FAM161B: variants seen among roughly 807,000 people sequenced by gnomAD.
FAM161B encodes the protein FAM161 centrosomal protein B.
Under a neutral mutation model 61.5 loss-of-function variants are expected in FAM161B, and 46 were observed. The ratio of observed to expected loss-of-function variants is 0.75; its 90% confidence interval spans 0.59 to 0.96. The LOEUF (loss-of-function observed/expected upper bound fraction) is 0.96. Ranked by LOEUF, FAM161B falls within the 40% of genes least tolerant of loss-of-function variation. The probability of loss-of-function intolerance (pLI) is 0.00; values close to 1 mark genes in which losing one functional copy is unlikely to be tolerated. For missense variants in FAM161B, 774 were observed against 800.7 expected (o/e 0.97, Z 0.40); for synonymous variants, 284 against 302.7 (o/e 0.94, Z 0.64).
At chr14:73,931,196 T>C (rs552814769), downstream of FAM161B, among the ~76,000 whole-genome samples, 2 of 152,302 alleles carry the variant, frequency 1.3e-5, no homozygotes, top group East Asian at 1.9e-4. Context: ...CTGTTTTCCC[T>C]GTAAGTTAGA....
At chr14:73,949,723 G>T (rs911697915) in intron 1 of FAM161B, among the ~76,000 whole-genome samples, 2 of 152,004 alleles carry the variant, frequency 1.3e-5, no homozygotes, top group African/African-American at 4.8e-5. Context: ...AAAATGAGAC[G>T]ACAATTGTAC....
chr14:73,935,545 A>C (rs1435559967), intron 8 of FAM161B, among the ~76,000 whole-genome samples: 2 of 92,942 alleles, frequency 2.2e-5, no homozygotes, highest in African/African-American at 6.2e-5. Flanking sequence ...AAAATACAAA[A>C]AATAAAAAAA....
At chr14:73,942,736 T>C (rs780890898) in intron 3 of FAM161B, 21 bp from the exon 4 acceptor site, 74 of 1,602,428 alleles carry the variant, frequency 4.6e-5, no homozygotes, top group Non-Finnish European at 6.2e-5. Flanking sequence ...AGGATGGTGA[T>C]GGGTAAGAAA....
At chr14:73,945,844 G>A (rs539972255) in intron 2 of FAM161B, among the ~76,000 whole-genome samples, 30 of 151,548 alleles carry the variant, frequency 2.0e-4, no homozygotes, top group African/African-American at 7.0e-4. Flanking sequence ...TGGGCTCAAG[G>A]GATTCTCATG....
chr14:73,949,193 C>T (rs1274294710), intron 1 of FAM161B, among the ~76,000 whole-genome samples: 1 of 152,206 alleles, frequency 6.6e-6, no homozygotes, highest in Non-Finnish European at 1.5e-5. Flanking sequence ...ACCTCCACCT[C>T]CCAGGTTCAA....
intron 3 of FAM161B, 24 bp from the exon 4 acceptor site, chr14:73,942,739 G>T: frequency 6.3e-7 from 1 of 1,597,250 alleles, no homozygotes; most frequent in Non-Finnish European, 8.6e-7. Flanking sequence ...ATGGTGATGG[G>T]TAAGAAAGGA....
chr14:73,931,600 G>A (rs532015244), downstream of FAM161B: 3 of 1,517,938 alleles, frequency 2.0e-6, no homozygotes, highest in South Asian at 1.1e-5. Flanking sequence ...CGTATACTGG[G>A]AACAGGATGC....
intron 1 of FAM161B, among the ~76,000 whole-genome samples, chr14:73,947,430 A>G (rs2056077048): frequency 2.0e-5 from 3 of 151,700 alleles, no homozygotes. Context: ...CAAGACAGAC[A>G]GTATGGTCTG....
the FAM161B span, chr14:73,924,621 G>C: frequency 2.3e-6 from 1 of 426,554 alleles, no homozygotes; most frequent in Non-Finnish European, 4.6e-6. Flanking sequence ...CTGTAGCTTG[G>C]ATCCTTTCAG....
At chr14:73,942,014 G>T (rs1365999189) in intron 4 of FAM161B, among the ~76,000 whole-genome samples, 1 of 152,028 alleles carries the variant, frequency 6.6e-6, no homozygotes, top group Non-Finnish European at 1.5e-5. Flanking sequence ...CCTGTTTTTT[G>T]TTGTTGTTTT....
chr14:73,932,283 T>C lies in FAM161B; in HGVS notation c.*1973A>G. The C allele has an allele frequency of 3.0e-6, 1 of 335,168 alleles. No homozygotes were observed. The highest frequency in any genetic ancestry group is 2.4e-5 in the South Asian group (1 of 41,642). The allele number at this position is 335,168 out of a possible 1,614,324, so 20.8% of individuals were successfully genotyped here. A position where few individuals can be genotyped will look rare whatever the true frequency, so the allele number is the denominator to read the frequency against. ...ATAAACAAAACAGCCCAGTCAGTTC[T>C]TTGGCTCTTGTTTTATACAAAATTT... On this transcript the variant is annotated 3_prime_UTR_variant, in exon 9 of 9. Transcript: ENST00000286544.
chr14:73,929,836 T>TA (rs2055885238), downstream of FAM161B, among the ~76,000 whole-genome samples: 1 of 151,698 alleles, frequency 6.6e-6, no homozygotes, highest in African/African-American at 2.4e-5. Flanking sequence ...GAAGAAAAAT[T>TA]ACCATGGGAA....
Position 73,946,596 on chromosome 14 carries a change from G to A in FAM161B, c.64C>T (p.Pro22Ser). The part of the protein sequence containing the change: ...GAEGSRQIFP[P>S]ESFADTEAGE... ...GCCTCTGTGTCTGCGAAGGACTCGGGGGGAAATATCTAAAATAGAATAGAA... is the reference window on the plus strand; with the variant it reads ...GCCTCTGTGTCTGCGAAGGACTCGGAGGGAAATATCTAAAATAGAATAGAA... The change falls in exon 2 of 9, where the codon CCC (proline) becomes TCC (serine). Residue 22 changes from proline (P) to serine (S), a missense_variant. Physicochemically the swap from Pro to Ser is moderately conservative, Grantham distance 74. Coordinates refer to ENST00000286544, the MANE Select transcript of FAM161B (RefSeq NM_152445.3). 6.2e-7 allele frequency: 1 copy of A among 1,612,670 alleles called. No homozygotes were observed. Among genetic ancestry groups the A allele is most frequent in the Non-Finnish European group, 8.5e-7 (1 of 1,179,028 alleles).
At chr14:73,940,883 G>T in intron 5 of FAM161B, 43 bp downstream of exon 5, 2 of 1,563,226 alleles carry the variant, frequency 1.3e-6, no homozygotes, top group Non-Finnish European at 1.7e-6. Context: ...CAGCATTTGG[G>T]GCCAGAATCA....
rs1332277666 is a variant in FAM161B, at chr14:73,941,004, C to A, written c.1322G>T (p.Ser441Ile). The change falls in exon 5 of 9, where the codon AGC (serine) becomes ATC (isoleucine). Residue 441 changes from serine (S) to isoleucine (I), a missense_variant. Transcript: ENST00000286544. Reference protein sequence around the residue: ...ATPLPRSRSLSGLASLSANTL... With the variant: ...ATPLPRSRSLIGLASLSANTL... ...GTTGGCAGAGAGGGAAGCAAGGCCG[C>A]TCAGAGAACGACTCCTTGGCAGGGG... 6 of 1,613,442 alleles carry A rather than the reference C, an allele frequency of 3.7e-6. No individual in the cohort carries two copies. Among genetic ancestry groups the A allele is most frequent in the Non-Finnish European group, 5.1e-6 (6 of 1,179,752 alleles).
At chr14:73,930,899 C>T (rs1457073076), downstream of FAM161B, among the ~76,000 whole-genome samples, 1 of 152,172 alleles carries the variant, frequency 6.6e-6, no homozygotes, top group Non-Finnish European at 1.5e-5. Flanking sequence ...CTGCACCCAG[C>T]CTCATTTTGT....
intron 7 of FAM161B, 78 bp downstream of exon 7, chr14:73,937,518 TACCCAC>T: frequency 7.6e-7 from 1 of 1,317,340 alleles, no homozygotes; most frequent in Non-Finnish European, 1.1e-6. Context: ...AAAATTTTAA[TACCCAC>T]ATATTAAAAT....
At chr14:73,946,678 C>T in intron 1 of FAM161B, 73 bp from the exon 2 acceptor site, 1 of 1,496,000 alleles carries the variant, frequency 6.7e-7, no homozygotes. Context: ...CTTAATTTCG[C>T]TTTGAATAAG....
rs1400593290 is a variant in FAM161B, at chr14:73,933,045, C to G, written c.*1211G>C. On this transcript the variant is annotated 3_prime_UTR_variant, in exon 9 of 9. Transcript: ENST00000286544. ...AATGAACCTCATGCTCACATAAACA[C>G]ACAGGCACATTCTAAACAGATAACG... 6.5e-6 allele frequency: 1 copy of G among 153,704 alleles called. No homozygotes were observed. The highest frequency in any genetic ancestry group is 2.4e-5 in the African/African-American group (1 of 41,450). 9.5% of individuals were successfully genotyped at this position (153,704 alleles called of 1,614,324 possible).
Sources: allele counts gnomAD v4.1 joint callset (sites outside exome capture counted in the v4.1 genomes callset), GRCh38; gene constraint gnomAD v4.1.1; transcripts MANE v1.5; gene names NCBI Gene and HGNC (gene_info 2026-07-23, HGNC 2026-07-21).